SPAG16: variants seen among roughly 807,000 people sequenced by gnomAD.
SPAG16 encodes sperm associated antigen 16.
SPAG16 carries 86 observed loss-of-function variants against 80.4 expected under a neutral mutation model. That is an observed-to-expected ratio of 1.07 (90% CI 0.90 to 1.28). The LOEUF is 1.28. Among genes scored for constraint, SPAG16 ranks in the 50% most tolerant of loss-of-function variants. SPAG16 has a pLI of 0.00. For missense variants in SPAG16, 870 were observed against 765.3 expected (o/e 1.14, Z -1.61); for synonymous variants, 294 against 265.9 (o/e 1.11, Z -1.03).
chr2:213,346,414 C>G (rs1307367660), intron 6 of SPAG16, among the ~76,000 whole-genome samples: 1 of 152,188 alleles, frequency 6.6e-6, no homozygotes, highest in African/African-American at 2.4e-5. Flanking sequence ...ACTTCCAACA[C>G]CGTGCTGAAT....
chr2:214,138,907 A>G (rs1303888343), intron 14 of SPAG16, among the ~76,000 whole-genome samples: 1 of 152,098 alleles, frequency 6.6e-6, no homozygotes, highest in Non-Finnish European at 1.5e-5. Flanking sequence ...CAGTGTAGGA[A>G]ATGAGAGGCA....
intron 10 of SPAG16, among the ~76,000 whole-genome samples, chr2:213,667,783 T>C (rs1176986628): frequency 1.3e-5 from 2 of 152,288 alleles, no homozygotes; most frequent in African/African-American, 4.8e-5. Context: ...TACATAGACA[T>C]GAGAAGAAAT....
chr2:214,332,885 A>G (rs141301417), intron 15 of SPAG16, among the ~76,000 whole-genome samples: 211 of 152,300 alleles, frequency 1.4e-3, no homozygotes, highest in African/African-American at 4.7e-3. Context: ...CCATGGCCAC[A>G]TGTAACCTGG....
chr2:213,409,191 G>A (rs985629629), intron 9 of SPAG16, among the ~76,000 whole-genome samples: 1 of 151,464 alleles, frequency 6.6e-6, no homozygotes, highest in African/African-American at 2.4e-5. Flanking sequence ...TCTGAAAGTT[G>A]TGGGAAAAAA....
chr2:213,902,233 A>G (rs915082533), intron 11 of SPAG16, among the ~76,000 whole-genome samples: 59 of 152,362 alleles, frequency 3.9e-4, no homozygotes, highest in African/African-American at 1.4e-3. Context: ...GAGGCCCACA[A>G]AACTGTGGGA....
intron 10 of SPAG16, among the ~76,000 whole-genome samples, chr2:213,702,441 C>T (rs891295162): frequency 5.9e-5 from 9 of 152,314 alleles, no homozygotes; most frequent in African/African-American, 1.7e-4. Context: ...TCTGCACCTT[C>T]ACTTCTGAGG....
chr2:213,937,367 G>A (rs2079032419), intron 12 of SPAG16, among the ~76,000 whole-genome samples: 2 of 151,892 alleles, frequency 1.3e-5, no homozygotes, highest in South Asian at 4.1e-4. Flanking sequence ...TACTTGAAAG[G>A]GCACCCAAGG....
At chr2:214,264,178 T>A (rs1691378021) in intron 15 of SPAG16, among the ~76,000 whole-genome samples, 1 of 152,172 alleles carries the variant, frequency 6.6e-6, no homozygotes, top group Non-Finnish European at 1.5e-5. Flanking sequence ...ATACTCCTCC[T>A]AATAGGCAAA....
chr2:213,991,228 C>T (rs2046266583), intron 12 of SPAG16, among the ~76,000 whole-genome samples: 1 of 152,034 alleles, frequency 6.6e-6, no homozygotes, highest in African/African-American at 2.4e-5. Flanking sequence ...GTTCAACTCC[C>T]ACTTATGAGT....
intron 10 of SPAG16, among the ~76,000 whole-genome samples, chr2:213,778,813 C>T (rs1248352043): frequency 6.6e-6 from 1 of 152,114 alleles, no homozygotes; most frequent in Non-Finnish European, 1.5e-5. Flanking sequence ...AACTGGAAAG[C>T]CTTGAGTTAA....
Position 214,382,423 on chromosome 2 carries a change from C to T in SPAG16, c.1721-27717C>T, listed in dbSNP as rs568263313. On this transcript the variant is annotated intron_variant, in intron 15 of 15. Coordinates refer to ENST00000331683, the MANE Select transcript of SPAG16 (RefSeq NM_024532.5). Reference sequence around the variant, plus strand: ...AAAACCTGACCTTAGATTTTGTGGGCCCCTATCCAGTGACTCAACATTAGT... The same window carrying T: ...AAAACCTGACCTTAGATTTTGTGGGTCCCTATCCAGTGACTCAACATTAGT... 3.6e-4 allele frequency among the ~76,000 whole-genome samples: 55 copies of T among 152,304 alleles called. No individual in the cohort carries two copies. The South Asian group carries it at 0.011, about 31-fold the overall frequency.
chr2:213,469,007 A>G (rs1228470590), intron 9 of SPAG16, among the ~76,000 whole-genome samples: 1 of 152,022 alleles, frequency 6.6e-6, no homozygotes, highest in Non-Finnish European at 1.5e-5. Context: ...GATTGTGCCC[A>G]CCCAGATCAA....
chr2:214,012,112 C>A (rs1389107549), intron 12 of SPAG16, among the ~76,000 whole-genome samples: 1 of 151,308 alleles, frequency 6.6e-6, no homozygotes, highest in African/African-American at 2.4e-5. Context: ...ATTCAGTCTC[C>A]TGGCTCCCAT....
intron 10 of SPAG16, among the ~76,000 whole-genome samples, chr2:213,606,605 C>T (rs1553586313): frequency 6.6e-6 from 1 of 152,178 alleles, no homozygotes; most frequent in Non-Finnish European, 1.5e-5. Context: ...GGTGCAGTTA[C>T]CAAATATCCA....
intron 9 of SPAG16, among the ~76,000 whole-genome samples, chr2:213,425,795 T>A (rs1399751424): frequency 6.6e-6 from 1 of 152,150 alleles, no homozygotes; most frequent in African/African-American, 2.4e-5. Context: ...TTTTAACAAT[T>A]AAAAATTTTA....
chr2:213,877,674 G>T (rs1056275125), intron 11 of SPAG16, among the ~76,000 whole-genome samples: 1 of 152,094 alleles, frequency 6.6e-6, no homozygotes, highest in Non-Finnish European at 1.5e-5. Context: ...TTAGGGAGAG[G>T]ATGAGGATAC....
intron 15 of SPAG16, among the ~76,000 whole-genome samples, chr2:214,160,662 G>A (rs974541546): frequency 5.9e-5 from 9 of 151,844 alleles, no homozygotes; most frequent in Non-Finnish European, 8.8e-5. Context: ...CTTGAAGAAC[G>A]TATATATAGA....
rs772195176 is a variant in SPAG16, at chr2:213,306,893, A to G, written c.280-3166A>G. Among the ~76,000 whole-genome samples the G allele has an allele frequency of 2.2e-4, 33 of 152,166 alleles. 1 individual carries two copies. Among genetic ancestry groups the G allele is most frequent in the Admixed American group, 1.4e-3 (21 of 15,276 alleles). ...GCCTTCTTCAGTGCCTCTTTCAGCAATATGAAGTTAAAGCCTGGTATTGTG... is the reference window on the plus strand; with the variant it reads ...GCCTTCTTCAGTGCCTCTTTCAGCAGTATGAAGTTAAAGCCTGGTATTGTG... On this transcript the variant is annotated intron_variant, in intron 3 of 15. Transcript: ENST00000331683.
chr2:213,310,364 AC>A (rs2063137008), intron 4 of SPAG16, among the ~76,000 whole-genome samples, 187 bp downstream of exon 4: 3 of 139,744 alleles, frequency 2.1e-5, no homozygotes, highest in Non-Finnish European at 3.1e-5. Context: ...ACACACACAC[AC>A]ACACACACAA....
Sources: gnomAD v4.1 joint callset for allele counts (sites outside exome capture counted in the v4.1 genomes callset) on GRCh38, gnomAD v4.1.1 for gene constraint, MANE v1.5 for transcripts, NCBI Gene and HGNC (gene_info 2026-07-23, HGNC 2026-07-21) for gene names.